The following GRID2 variants were observed in gnomAD, a reference collection of about 807,000 sequenced individuals.
GRID2 encodes the protein glutamate receptor ionotropic, delta-2.
A neutral mutation model predicts 114.8 loss-of-function variants in GRID2; 33 were observed. The ratio of observed to expected loss-of-function variants is 0.29; its 90% confidence interval spans 0.22 to 0.38. The LOEUF (loss-of-function observed/expected upper bound fraction) is 0.38, where lower values mean the gene tolerates loss of function less well. Ranked by LOEUF, GRID2 falls within the 10% of genes least tolerant of loss-of-function variation. The pLI, the probability that GRID2 is intolerant of heterozygous loss-of-function variation, is 1.00. For synonymous variants in GRID2, 505 were observed against 449.9 expected (o/e 1.12, Z -1.55); for missense variants, 1,184 against 1,257.7 (o/e 0.94, Z 0.89).
chr4:93,548,980 G>A (rs1427682038), intron 13 of GRID2, among the ~76,000 whole-genome samples: 2 of 152,058 alleles, frequency 1.3e-5, no homozygotes, highest in African/African-American at 4.8e-5. Flanking sequence ...AAATCAAGGT[G>A]TAGAAGAAAT....
chr4:92,555,414 A>C (rs189580663), intron 1 of GRID2, among the ~76,000 whole-genome samples: 238 of 152,278 alleles, frequency 1.6e-3, no homozygotes, highest in African/African-American at 5.4e-3. Context: ...GGAGAAAAAG[A>C]AGCTTAACTT....
At chr4:92,684,633 A>G (rs1431972706) in intron 2 of GRID2, among the ~76,000 whole-genome samples, 2 of 152,052 alleles carry the variant, frequency 1.3e-5, no homozygotes, top group Non-Finnish European at 2.9e-5. Flanking sequence ...TTTTTCATGA[A>G]CAGAGTTAAA....
At chr4:92,906,025 A>T (rs1747926262) in intron 2 of GRID2, among the ~76,000 whole-genome samples, 1 of 152,170 alleles carries the variant, frequency 6.6e-6, no homozygotes, top group African/African-American at 2.4e-5. Context: ...GAATAAAAAT[A>T]TTGGAGAGTT....
chr4:93,624,101 T>C (rs1013534078), intron 13 of GRID2, among the ~76,000 whole-genome samples: 1 of 152,184 alleles, frequency 6.6e-6, no homozygotes, highest in Admixed American at 6.5e-5. Context: ...TATGTATTTA[T>C]ATTTAATGTA....
intron 4 of GRID2, among the ~76,000 whole-genome samples, chr4:93,138,322 C>T (rs1172508454): frequency 6.6e-6 from 1 of 151,148 alleles, no homozygotes; most frequent in Non-Finnish European, 1.5e-5. Context: ...GTTTTTGTAC[C>T]ATATTTATGT....
At chr4:92,921,970 C>T (rs1344944181) in intron 2 of GRID2, among the ~76,000 whole-genome samples, 2 of 152,186 alleles carry the variant, frequency 1.3e-5, no homozygotes, top group Non-Finnish European at 2.9e-5. Flanking sequence ...GCAGGCCGGC[C>T]TCCTTGAGCT....
At chr4:93,101,773 G>A (rs902379911) in intron 3 of GRID2, among the ~76,000 whole-genome samples, 1 of 151,962 alleles carries the variant, frequency 6.6e-6, no homozygotes, top group Non-Finnish European at 1.5e-5. Flanking sequence ...GGATTGTTGT[G>A]GGAAACTGGC....
intron 8 of GRID2, among the ~76,000 whole-genome samples, chr4:93,395,132 A>AT (rs1030789846): frequency 5.1e-4 from 77 of 152,072 alleles, no homozygotes; most frequent in African/African-American, 1.9e-3. Context: ...CATACACATG[A>AT]TTTTTTTCAA....
At chr4:93,628,314 A>G (rs1742916664) in intron 14 of GRID2, among the ~76,000 whole-genome samples, 1 of 152,182 alleles carries the variant, frequency 6.6e-6, no homozygotes. Context: ...AAAGAACAAT[A>G]TAGACATTTC....
At chr4:93,046,382 CT>C (rs1726137921) in intron 2 of GRID2, among the ~76,000 whole-genome samples, 1 of 151,936 alleles carries the variant, frequency 6.6e-6, no homozygotes, top group South Asian at 2.1e-4. Context: ...CTTCTTTTAC[CT>C]AAAGGGCAAT....
At chr4:93,184,441 A>G (rs1299736739) in intron 4 of GRID2, among the ~76,000 whole-genome samples, 2 of 150,600 alleles carry the variant, frequency 1.3e-5, no homozygotes, top group Admixed American at 6.6e-5. Context: ...TTCTTCATGT[A>G]AGTGATCATT....
chr4:92,691,939 T>C (rs758488618), intron 2 of GRID2, among the ~76,000 whole-genome samples: 7 of 152,216 alleles, frequency 4.6e-5, no homozygotes, highest in Admixed American at 6.5e-5. Flanking sequence ...GAAATACTGA[T>C]TCTCTGTTTT....
chr4:92,319,279 A>T (rs1446594449), intron 1 of GRID2, among the ~76,000 whole-genome samples: 1 of 152,180 alleles, frequency 6.6e-6, no homozygotes, highest in Admixed American at 6.5e-5. Flanking sequence ...TTGATATTTT[A>T]ATATTATGTG....
chr4:92,964,973 C>T (rs1580154), intron 2 of GRID2, among the ~76,000 whole-genome samples: 96,204 of 151,926 alleles, frequency 0.63, 32,591 homozygotes, highest in African/African-American at 0.87. Flanking sequence ...CTCAACTCCT[C>T]GATGCAAGAG....
At chr4:92,865,422 A>G (rs1029816677) in intron 2 of GRID2, among the ~76,000 whole-genome samples, 1 of 152,250 alleles carries the variant, frequency 6.6e-6, no homozygotes, top group African/African-American at 2.4e-5. Context: ...GGAAATATTC[A>G]GAAGGATGAA....
At chr4:92,611,173 C>T (rs534629411) in intron 2 of GRID2, among the ~76,000 whole-genome samples, 1 of 148,614 alleles carries the variant, frequency 6.7e-6, no homozygotes, top group Non-Finnish European at 1.5e-5. Flanking sequence ...TGTGTTTTAG[C>T]CTGCTTAGGC....
chr4:92,863,667 A>C (rs1278377572), intron 2 of GRID2, among the ~76,000 whole-genome samples: 3 of 152,120 alleles, frequency 2.0e-5, no homozygotes, highest in African/African-American at 4.8e-5. Flanking sequence ...ACTATGAAAA[A>C]TATGTCTTCA....
At chr4:93,293,850 G>T (rs1754003521) in intron 8 of GRID2, among the ~76,000 whole-genome samples, 1 of 152,180 alleles carries the variant, frequency 6.6e-6, no homozygotes, top group Admixed American at 6.5e-5. Flanking sequence ...GCCAGGCACT[G>T]TACTAGACCC....
intron 2 of GRID2, among the ~76,000 whole-genome samples, chr4:92,745,159 G>A (rs973876): frequency 1 from 151,860 of 152,342 alleles, 75,693 homozygotes; most frequent in Middle Eastern, 1. Context: ...TAGTCTGACA[G>A]CACAGATATA....
Sources: gnomAD v4.1 joint callset for allele counts (sites outside exome capture counted in the v4.1 genomes callset) on GRCh38, gnomAD v4.1.1 for gene constraint, MANE v1.5 for transcripts, NCBI Gene and HGNC (gene_info 2026-07-23, HGNC 2026-07-21) for gene names.